MX1: variants seen among roughly 807,000 people sequenced by gnomAD.
MX1 encodes interferon-induced GTP-binding protein Mx1.
MX1 carries 66 observed loss-of-function variants against 66.4 expected under a neutral mutation model. That is an observed-to-expected ratio of 0.99 (90% confidence interval 0.82 to 1.22). MX1 has a LOEUF of 1.22. MX1 is among the 50% of genes most tolerant of loss of function. MX1 has a pLI of 0.00. For missense variants in MX1, 787 were observed against 834.3 expected (o/e 0.94, Z 0.70); for synonymous variants, 311 against 318.1 (o/e 0.98, Z 0.24).
At chr21:41,452,895 C>T (rs754111876) in intron 16 of MX1, 26 bp downstream of exon 16, 15 of 1,608,188 alleles carry the variant, frequency 9.3e-6, no homozygotes, top group Non-Finnish European at 8.5e-7. Flanking sequence ...GTTCAGGATG[C>T]CAGCTTCCAT....
intron 13 of MX1, among the ~76,000 whole-genome samples, chr21:41,448,762 C>T (rs562169855): frequency 4.6e-5 from 7 of 151,972 alleles, no homozygotes; most frequent in African/African-American, 7.3e-5. Flanking sequence ...GCTGAGATCA[C>T]GCCACTGCAC....
chr21:41,453,966 A>G (rs771719482), intron 16 of MX1, among the ~76,000 whole-genome samples: 2 of 152,194 alleles, frequency 1.3e-5, no homozygotes, highest in African/African-American at 4.8e-5. Flanking sequence ...GCCTTCAGAG[A>G]GAATAAATGG....
At position 41,446,088 on chromosome 21, in the gene MX1, T is replaced by A; in HGVS notation, c.1220T>A (p.Leu407His). 1 of 1,614,214 alleles carries A rather than the reference T, an allele frequency of 6.2e-7. No individual in the cohort carries two copies. Among genetic ancestry groups the A allele is most frequent in the Non-Finnish European group, 8.5e-7 (1 of 1,180,032 alleles). ...GEEDIRLFTR[L>H]RHEFHKWSTI... ...GAAGACATTCGGCTGTTTACCAGACTCCGACACGAGTTCCACAAATGGAGT... is the reference window on the plus strand; with the variant it reads ...GAAGACATTCGGCTGTTTACCAGACACCGACACGAGTTCCACAAATGGAGT... Residue 407 changes from leucine (L) to histidine (H), a missense_variant, in exon 13 of 17, where the codon CTC (leucine) becomes CAC (histidine). Leu to His is a moderately conservative substitution (Grantham distance 99, BLOSUM62 -3). Coordinates refer to ENST00000398598, the MANE Select transcript of MX1 (RefSeq NM_002462.5).
intron 10 of MX1, 172 bp from the exon 11 acceptor site, chr21:41,443,616 C>A: frequency 1.5e-6 from 1 of 649,106 alleles, no homozygotes; most frequent in South Asian, 1.8e-5. Flanking sequence ...TGCTAAAATT[C>A]AGTCATAATC....
intron 12 of MX1, 88 bp downstream of exon 12, chr21:41,445,658 C>T (rs1487352465): frequency 6.5e-7 from 1 of 1,539,412 alleles, no homozygotes; most frequent in African/African-American, 1.4e-5. Flanking sequence ...CTTCTTCACT[C>T]CCCCAAGGCT....
chr21:41,429,605 G>T (rs1311706296), intron 3 of MX1: 1 of 152,128 alleles, frequency 6.6e-6, no homozygotes, highest in African/African-American at 2.4e-5. Context: ...TTCCCAGATT[G>T]TCAGACTCCA....
intron 16 of MX1, among the ~76,000 whole-genome samples, chr21:41,453,856 A>G (rs1568997566): frequency 6.6e-6 from 1 of 151,814 alleles, no homozygotes; most frequent in Non-Finnish European, 1.5e-5. Context: ...TGCTTGAAAG[A>G]GTTAAACTTT....
chr21:41,425,611 C>G (rs1405947330), upstream of MX1, among the ~76,000 whole-genome samples: 1 of 152,150 alleles, frequency 6.6e-6, no homozygotes, highest in East Asian at 1.9e-4. Context: ...TTATTTTAAG[C>G]TTTATTATTA....
rs569026314 is a variant in MX1, at chr21:41,442,764, A to C, written c.929+850A>C. On this transcript the variant is annotated intron_variant, in intron 10 of 16. Coordinates refer to ENST00000398598, the MANE Select transcript of MX1 (RefSeq NM_002462.5). Reference sequence around the variant, plus strand: ...AATGTGGTCTGTACAAAAACATGGAATACTTTCAGCCTTAGAAAGGAAAGA... The same window carrying C: ...AATGTGGTCTGTACAAAAACATGGACTACTTTCAGCCTTAGAAAGGAAAGA... 3 of 152,358 alleles carry C rather than the reference A, an allele frequency of 2.0e-5. No homozygotes were observed. In the East Asian group the frequency reaches 5.8e-4, roughly 29 times the overall value. 9.4% of individuals were successfully genotyped at this position (152,358 alleles called of 1,614,324 possible). A position where few individuals can be genotyped will look rare whatever the true frequency, so the allele number is the denominator to read the frequency against.
chr21:41,435,691 A>G (rs2090337818), intron 5 of MX1, 146 bp from the exon 6 acceptor site: 6 of 883,844 alleles, frequency 6.8e-6, no homozygotes, highest in Non-Finnish European at 1.0e-5. Context: ...CCACAATCCA[A>G]TTACCTCCAC....
chr21:41,439,885 G>A (rs546019847), intron 8 of MX1, 37 bp downstream of exon 8: 34 of 1,585,840 alleles, frequency 2.1e-5, no homozygotes, highest in South Asian at 7.8e-5. Flanking sequence ...TGGCCGTGGC[G>A]TGGGGATGGG....
chr21:41,433,344 A>G (rs899533875), intron 5 of MX1, among the ~76,000 whole-genome samples: 1 of 152,152 alleles, frequency 6.6e-6, no homozygotes, highest in African/African-American at 2.4e-5. Flanking sequence ...ACCCTTGCAC[A>G]TCCCCCTGGG....
intron 4 of MX1, among the ~76,000 whole-genome samples, chr21:41,431,324 C>T (rs968103987): frequency 4.6e-5 from 7 of 152,128 alleles, no homozygotes; most frequent in African/African-American, 1.7e-4. Context: ...CTGTGCCCAG[C>T]CTTTAAATGT....
chr21:41,439,877 GC>G (rs1315306012), intron 8 of MX1, 29 bp downstream of exon 8: 2 of 1,600,080 alleles, frequency 1.2e-6, no homozygotes, highest in Admixed American at 3.4e-5. Flanking sequence ...TCTGACCTTG[GC>G]CGTGGCGTGG....
intron 5 of MX1, 52 bp downstream of exon 5, chr21:41,432,227 C>A: frequency 6.5e-7 from 1 of 1,541,214 alleles, no homozygotes; most frequent in Non-Finnish European, 8.9e-7. Context: ...CATGCCCATT[C>A]GAGGCTGCCC....
At chr21:41,445,978 C>T (rs778633687) in intron 12 of MX1, 22 bp from the exon 13 acceptor site, 4 of 1,612,924 alleles carry the variant, frequency 2.5e-6, no homozygotes, top group Non-Finnish European at 3.4e-6. Context: ...TCCACTTATA[C>T]TGATGTTTTT....
intron 14 of MX1, 101 bp downstream of exon 14, chr21:41,449,396 C>T: frequency 8.2e-7 from 1 of 1,221,266 alleles, no homozygotes; most frequent in Non-Finnish European, 1.1e-6. Context: ...TGGGGTGCAT[C>T]CCACACCAAC....
chr21:41,436,145 A>G, intron 6 of MX1, 116 bp downstream of exon 6: 1 of 1,289,660 alleles, frequency 7.8e-7, no homozygotes. Context: ...TGGAAGTCCA[A>G]AATCAGGGTT....
chr21:41,456,220 G>A (rs2090954938), intron 16 of MX1, among the ~76,000 whole-genome samples: 1 of 152,050 alleles, frequency 6.6e-6, no homozygotes, highest in Admixed American at 6.6e-5. Flanking sequence ...CTCCAGCCTG[G>A]GTGACAGAGC....
Sources: gnomAD v4.1 joint callset for allele counts (sites outside exome capture counted in the v4.1 genomes callset) on GRCh38, gnomAD v4.1.1 for gene constraint, MANE v1.5 for transcripts, NCBI Gene and HGNC (gene_info 2026-07-23, HGNC 2026-07-21) for gene names.